Variants in ILRUN observed in about 807,000 individuals in gnomAD.
The protein encoded by ILRUN is protein ILRUN.
Under a neutral mutation model 33.8 loss-of-function variants are expected in ILRUN, and 3 were observed. That is an observed-to-expected ratio of 0.09 (90% confidence interval 0.04 to 0.23). The LOEUF (loss-of-function observed/expected upper bound fraction) is 0.23, where lower values mean the gene tolerates loss of function less well. Among genes scored for constraint, ILRUN ranks in the 10% least tolerant of loss-of-function variants. The pLI is 1.00. For synonymous variants in ILRUN, 124 were observed against 138.9 expected (o/e 0.89, Z 0.75); for missense variants, 210 against 375.1 (o/e 0.56, Z 3.64).
Position 34,590,384 on chromosome 6 carries a change from C to T in ILRUN, c.*181G>A, listed in dbSNP as rs1460738639. 10 of 669,904 alleles carry T rather than the reference C, an allele frequency of 1.5e-5. No individual in the cohort carries two copies. The East Asian group carries it at 2.7e-4, about 18-fold the overall frequency. The allele number at this position is 669,904 out of a possible 1,614,324, so 41.5% of individuals were successfully genotyped here. ...CCATTCCTGTGATTCAGCATTCACA[C>T]ATGCATACTGAGTTTACTCAAAACT... On this transcript the variant is annotated 3_prime_UTR_variant, in exon 5 of 5. Coordinates refer to ENST00000374023, the MANE Select transcript of ILRUN (RefSeq NM_024294.4).
chr6:34,633,751 G>A (rs538628511), intron 3 of ILRUN, among the ~76,000 whole-genome samples: 2 of 151,164 alleles, frequency 1.3e-5, no homozygotes, highest in East Asian at 2.0e-4. Flanking sequence ...CAGCTACTTG[G>A]GAAGCTGGGC....
intron 1 of ILRUN, among the ~76,000 whole-genome samples, chr6:34,683,317 C>T (rs1763413045): frequency 6.7e-6 from 1 of 149,786 alleles, no homozygotes; most frequent in African/African-American, 2.5e-5. Context: ...CAATCAAAAG[C>T]AATAACCACA....
chr6:34,682,039 T>TTTTTTTTTTTTTTTTTTTA (rs1371036341), intron 1 of ILRUN, among the ~76,000 whole-genome samples: 2 of 104,892 alleles, frequency 1.9e-5, no homozygotes, highest in African/African-American at 4.0e-5. Flanking sequence ...TTTATTTTTT[T>TTTTTTTTTTTTTTTTTTTA]ACTTTTTTTT....
At chr6:34,602,754 C>T (rs1156416521) in intron 4 of ILRUN, among the ~76,000 whole-genome samples, 3 of 152,168 alleles carry the variant, frequency 2.0e-5, no homozygotes, top group Admixed American at 6.5e-5. Flanking sequence ...ATCTTTGAGG[C>T]GAGTCAGCAT....
chr6:34,604,454 C>T (rs979520111), intron 4 of ILRUN, among the ~76,000 whole-genome samples: 2 of 152,218 alleles, frequency 1.3e-5, no homozygotes, highest in African/African-American at 4.8e-5. Context: ...AAAACTGCAG[C>T]GATGGCCAAG....
At chr6:34,595,514 T>A (rs1419821922) in intron 4 of ILRUN, among the ~76,000 whole-genome samples, 1 of 152,124 alleles carries the variant, frequency 6.6e-6, no homozygotes, top group Non-Finnish European at 1.5e-5. Flanking sequence ...CATAGTAGAC[T>A]CAGGTATCAG....
intron 2 of ILRUN, among the ~76,000 whole-genome samples, chr6:34,653,264 T>G (rs1278401478): frequency 6.6e-6 from 1 of 151,962 alleles, no homozygotes; most frequent in Non-Finnish European, 1.5e-5. Flanking sequence ...GGAGTCTCAC[T>G]CTGTCACCCA....
chr6:34,631,264 G>C (rs971174033), intron 3 of ILRUN, among the ~76,000 whole-genome samples: 1 of 151,792 alleles, frequency 6.6e-6, no homozygotes, highest in African/African-American at 2.4e-5. Context: ...TTAGGTTTCA[G>C]TCTTTTGGTG....
intron 4 of ILRUN, 119 bp downstream of exon 4, chr6:34,606,436 A>G (rs1406277708): frequency 1.4e-6 from 1 of 710,566 alleles, no homozygotes; most frequent in Admixed American, 2.9e-5. Flanking sequence ...AGGAGAGCTG[A>G]GCAGTCTTAA....
intron 1 of ILRUN, among the ~76,000 whole-genome samples, chr6:34,666,243 C>T (rs1763001685): frequency 6.6e-6 from 1 of 152,142 alleles, no homozygotes; most frequent in Non-Finnish European, 1.5e-5. Context: ...TGGCTGCTTT[C>T]TGGTATATAG....
Position 34,646,526 on chromosome 6 carries a change from C to G in ILRUN, c.511+75G>C. 1 of 1,449,312 alleles carries G rather than the reference C, an allele frequency of 6.9e-7. No individual in the cohort carries two copies. 89.8% of individuals were successfully genotyped at this position (1,449,312 alleles called of 1,614,324 possible). ...GCCCTGTTATGCAATTTGACAGGCT[C>G]TGTGAGCAACACTGGGGATGTTATA... On this transcript the variant is annotated intron_variant, in intron 3 of 4. Coordinates refer to ENST00000374023, the MANE Select transcript of ILRUN (RefSeq NM_024294.4). This position sits in a 1 kb window ranked among gnomAD's most constrained non-coding sequence, Gnocchi z 4.9.
intron 1 of ILRUN, 62 bp downstream of exon 1, chr6:34,696,384 C>G: frequency 6.7e-7 from 1 of 1,495,660 alleles, no homozygotes. Flanking sequence ...TCAAGTGTCC[C>G]TTCCCTTCCC....
chr6:34,646,549 A>T lies in ILRUN; in HGVS notation c.511+52T>A, dbSNP rs1054862351. 8.9e-6 allele frequency: 14 copies of T among 1,573,398 alleles called. No individual in the cohort carries two copies. The highest frequency in any genetic ancestry group is 2.2e-5 in the East Asian group (1 of 44,446). On this transcript the variant is annotated intron_variant, in intron 3 of 4. Coordinates refer to ENST00000374023, the MANE Select transcript of ILRUN (RefSeq NM_024294.4). The surrounding 1 kb of genome is among the most constrained non-coding windows in gnomAD (Gnocchi z 4.9). ...CTCTGTGAGCAACACTGGGGATGTTATAAGATGTTACCTTAGTTCCTTTAC... is the reference window on the plus strand; with the variant it reads ...CTCTGTGAGCAACACTGGGGATGTTTTAAGATGTTACCTTAGTTCCTTTAC...
chr6:34,682,414 G>C (rs1022362054), intron 1 of ILRUN, among the ~76,000 whole-genome samples: 12 of 150,678 alleles, frequency 8.0e-5, no homozygotes, highest in Non-Finnish European at 1.2e-4. Flanking sequence ...CCCGCCACCA[G>C]GCCCAGCTAA....
chr6:34,683,453 C>CATATATATGT (rs1763429875), intron 1 of ILRUN, among the ~76,000 whole-genome samples: 19 of 96,608 alleles, frequency 2.0e-4, no homozygotes, highest in African/African-American at 7.3e-4. Flanking sequence ...TATATATATA[C>CATATATATGT]ATATATATAC....
At chr6:34,628,624 G>A (rs186855924) in intron 3 of ILRUN, among the ~76,000 whole-genome samples, 70 of 152,018 alleles carry the variant, frequency 4.6e-4, no homozygotes, top group African/African-American at 1.5e-3. Context: ...GAGCCACCAC[G>A]CCCGGCCCAC....
At chr6:34,612,494 A>G (rs1364207976) in intron 3 of ILRUN, among the ~76,000 whole-genome samples, 1 of 152,210 alleles carries the variant, frequency 6.6e-6, no homozygotes, top group Non-Finnish European at 1.5e-5. Flanking sequence ...ATCTCATTCA[A>G]CTTGTCCCTT....
intron 1 of ILRUN, among the ~76,000 whole-genome samples, chr6:34,693,788 T>C (rs1044979983): frequency 4.0e-5 from 6 of 151,648 alleles, no homozygotes; most frequent in Non-Finnish European, 2.9e-5. Context: ...TGTCTCAGCC[T>C]CCCTCAAATA....
chr6:34,620,899 C>T (rs1021850726), intron 3 of ILRUN, among the ~76,000 whole-genome samples: 2 of 152,170 alleles, frequency 1.3e-5, no homozygotes, highest in Non-Finnish European at 1.5e-5. Flanking sequence ...AGACCGGACA[C>T]TAACTTGTTA....
Sources: gnomAD v4.1 joint callset for allele counts (sites outside exome capture counted in the v4.1 genomes callset) on GRCh38, gnomAD v4.1.1 for gene constraint, Gnocchi (gnomAD v3.1) non-coding constraint, MANE v1.5 for transcripts, NCBI Gene and HGNC (gene_info 2026-07-23, HGNC 2026-07-21) for gene names.